RBFOX1: variants seen among roughly 807,000 people sequenced by gnomAD.
RBFOX1 encodes the protein RNA binding protein fox-1 homolog 1.
In RBFOX1, 8 loss-of-function variants were observed where a neutral mutation model predicts 57.7. That is an observed-to-expected ratio of 0.14 (90% CI 0.08 to 0.25). The LOEUF is 0.25. Ranked by LOEUF, RBFOX1 falls within the 10% of genes least tolerant of loss-of-function variation. RBFOX1 has a pLI of 1.00. For synonymous variants in RBFOX1, 326 were observed against 222.4 expected, an observed-to-expected ratio of 1.47 and a Z score of -4.15; for missense variants, 611 against 548.5, an observed-to-expected ratio of 1.11 and a Z score of -1.14.
chr16:6,638,715 T>C (rs1342186626), intron 2 of RBFOX1, among the ~76,000 whole-genome samples: 1 of 152,124 alleles, frequency 6.6e-6, no homozygotes, highest in East Asian at 1.9e-4. Flanking sequence ...CATTCCGGAG[T>C]ACAAAAAATT....
intron 4 of RBFOX1, among the ~76,000 whole-genome samples, chr16:7,507,435 C>G (rs1423473526): frequency 1.3e-5 from 2 of 152,076 alleles, no homozygotes; most frequent in East Asian, 3.9e-4. Context: ...ACATTTTTCT[C>G]CAGGATTGTG....
At chr16:5,551,866 C>T (rs1283682576) in intron 2 of RBFOX1, among the ~76,000 whole-genome samples, 3 of 151,788 alleles carry the variant, frequency 2.0e-5, no homozygotes, top group Non-Finnish European at 4.4e-5. Flanking sequence ...GTTCAACTCC[C>T]ACTTATGAGT....
Position 7,449,844 on chromosome 16 carries a change from C to T in RBFOX1, c.28-68303C>T, listed in dbSNP as rs527438507. Among the ~76,000 whole-genome samples, 9 of 152,046 alleles carry T rather than the reference C, an allele frequency of 5.9e-5. No individual in the cohort carries two copies. In the South Asian group the frequency reaches 1.7e-3, roughly 28 times the overall value. On this transcript the variant is annotated intron_variant, in intron 4 of 15. Coordinates refer to ENST00000550418, the MANE Select transcript of RBFOX1 (RefSeq NM_018723.4). ...CCTTCACAGGGTAAAGTGTTCTTCC[C>T]ATGAGGTCTAAGAGGAGTCTCAAAT... is the stretch of plus-strand genomic sequence containing the variant.
chr16:7,248,517 A>G (rs1209405919), intron 4 of RBFOX1, among the ~76,000 whole-genome samples: 3 of 152,168 alleles, frequency 2.0e-5, no homozygotes, highest in Non-Finnish European at 2.9e-5. Context: ...TAGGGGTAGC[A>G]TTACTTAATT....
chr16:6,065,762 C>G (rs987850400), intron 1 of RBFOX1, among the ~76,000 whole-genome samples: 4 of 152,126 alleles, frequency 2.6e-5, no homozygotes, highest in African/African-American at 9.7e-5. Context: ...TCATGTAATG[C>G]TTATAACAGC....
chr16:6,184,295 T>G (rs1334004285), intron 1 of RBFOX1, among the ~76,000 whole-genome samples: 1 of 152,088 alleles, frequency 6.6e-6, no homozygotes, highest in East Asian at 1.9e-4. Context: ...ATGAGCAACA[T>G]GACATCATGC....
intron 2 of RBFOX1, among the ~76,000 whole-genome samples, chr16:6,481,279 A>G (rs2095367364): frequency 6.6e-6 from 1 of 152,106 alleles, no homozygotes; most frequent in South Asian, 2.1e-4. Context: ...GTGGGCCTTC[A>G]TGTCCCTTTG....
chr16:6,614,016 A>C (rs1003846686), intron 2 of RBFOX1, among the ~76,000 whole-genome samples: 4 of 152,182 alleles, frequency 2.6e-5, no homozygotes, highest in Non-Finnish European at 5.9e-5. Context: ...TACTAACCAG[A>C]GTTTTTCTTT....
chr16:7,021,104 A>G (rs2153672082), intron 3 of RBFOX1, among the ~76,000 whole-genome samples: 1 of 152,224 alleles, frequency 6.6e-6, no homozygotes, highest in East Asian at 1.9e-4. Context: ...CTCCAGCATG[A>G]GTGAGAGAGC....
At chr16:6,900,791 A>C (rs1324481145) in intron 3 of RBFOX1, among the ~76,000 whole-genome samples, 1 of 152,128 alleles carries the variant, frequency 6.6e-6, no homozygotes, top group Non-Finnish European at 1.5e-5. Context: ...CCTTCACAGC[A>C]CACAATGCCA....
intron 1 of RBFOX1, among the ~76,000 whole-genome samples, chr16:5,460,229 T>C (rs2068748402): frequency 6.6e-6 from 1 of 152,212 alleles, no homozygotes; most frequent in South Asian, 2.1e-4. Flanking sequence ...CAGAGAAGGT[T>C]TGAATCCCAG....
At chr16:6,512,630 G>A (rs1011988522) in intron 2 of RBFOX1, among the ~76,000 whole-genome samples, 2 of 152,180 alleles carry the variant, frequency 1.3e-5, no homozygotes, top group Non-Finnish European at 2.9e-5. Flanking sequence ...CATTTCCAGA[G>A]TTCTCCCAAG....
intron 4 of RBFOX1, among the ~76,000 whole-genome samples, chr16:7,154,572 TTA>T (rs2076713106): frequency 6.6e-6 from 1 of 152,110 alleles, no homozygotes; most frequent in Non-Finnish European, 1.5e-5. Context: ...TTAAAACTAT[TTA>T]TATTTAAACT....
chr16:7,662,345 C>G (rs1054987233), intron 12 of RBFOX1, among the ~76,000 whole-genome samples: 2 of 152,180 alleles, frequency 1.3e-5, no homozygotes, highest in Admixed American at 1.3e-4. Context: ...ATTTCTCCTC[C>G]ATTGACAACA....
At chr16:5,772,944 G>C (rs566466486) in intron 3 of RBFOX1, among the ~76,000 whole-genome samples, 23 of 152,326 alleles carry the variant, frequency 1.5e-4, no homozygotes, top group African/African-American at 5.3e-4. Context: ...AGAGGGAGCT[G>C]ACTGTGCAAA....
intron 4 of RBFOX1, among the ~76,000 whole-genome samples, chr16:7,335,429 C>G (rs1265739001): frequency 6.6e-6 from 1 of 152,038 alleles, no homozygotes; most frequent in African/African-American, 2.4e-5. Context: ...TCATAGTGTC[C>G]ACTTGGAAGG....
intron 1 of RBFOX1, among the ~76,000 whole-genome samples, chr16:6,154,881 A>G (rs1036339260): frequency 1.3e-5 from 2 of 152,254 alleles, no homozygotes; most frequent in African/African-American, 4.8e-5. Context: ...AGGGTAATAA[A>G]AAGCAATTGT....
At chr16:7,675,164 A>G (rs1489659127) in intron 13 of RBFOX1, among the ~76,000 whole-genome samples, 2 of 152,208 alleles carry the variant, frequency 1.3e-5, no homozygotes, top group Non-Finnish European at 2.9e-5. Flanking sequence ...GAACTTTATG[A>G]AAGCCAAGAA....
chr16:5,679,943 G>A (rs1306839936), intron 3 of RBFOX1, among the ~76,000 whole-genome samples: 4 of 152,176 alleles, frequency 2.6e-5, no homozygotes, highest in Non-Finnish European at 5.9e-5. Context: ...TCCTGTCATT[G>A]CTCTCTTTCA....
Sources: gnomAD v4.1 joint callset for allele counts (sites outside exome capture counted in the v4.1 genomes callset) on GRCh38, gnomAD v4.1.1 for gene constraint, MANE v1.5 for transcripts, NCBI Gene and HGNC (gene_info 2026-07-23, HGNC 2026-07-21) for gene names.